Variants in GIGYF2 observed in about 807,000 individuals in gnomAD.
The protein encoded by GIGYF2 is GRB10-interacting GYF protein 2.
In GIGYF2, 25 loss-of-function variants were observed where a neutral mutation model predicts 208.1. The ratio of observed to expected loss-of-function variants is 0.12; its 90% CI spans 0.09 to 0.17. GIGYF2 has a LOEUF of 0.17. Ranked by LOEUF, GIGYF2 falls within the 10% of genes least tolerant of loss-of-function variation. GIGYF2 has a pLI of 1.00. For missense variants in GIGYF2, 1,302 were observed against 1,579.4 expected, an observed-to-expected ratio of 0.82 and a Z score of 2.98; for synonymous variants, 534 against 543.8, an observed-to-expected ratio of 0.98 and a Z score of 0.25.
intron 2 of GIGYF2, among the ~76,000 whole-genome samples, chr2:232,720,609 G>T (rs11690474): frequency 0.33 from 49,255 of 147,568 alleles, 8,673 homozygotes; most frequent in South Asian, 0.62. Context: ...TTGTTTGTTT[G>T]TTTGAGACGG....
chr2:232,834,355 G>A (rs1250714967), intron 22 of GIGYF2, among the ~76,000 whole-genome samples: 3 of 152,140 alleles, frequency 2.0e-5, no homozygotes, highest in African/African-American at 7.2e-5. Flanking sequence ...TATTGAATCA[G>A]AACCTCTAAG....
intron 20 of GIGYF2, among the ~76,000 whole-genome samples, chr2:232,817,716 AAAGG>A (rs767893471): frequency 1.3e-5 from 2 of 152,208 alleles, no homozygotes; most frequent in African/African-American, 2.4e-5. Flanking sequence ...CCTTTCTTAA[AAAGG>A]TTGAATAATA....
chr2:232,768,569 T>C (rs751713849), intron 8 of GIGYF2: 7 of 1,614,194 alleles, frequency 4.3e-6, no homozygotes, highest in Non-Finnish European at 8.5e-7. Context: ...AGATGAAGAA[T>C]GGACATTCGT....
Position 232,850,419 on chromosome 2 carries a change from G to T in GIGYF2, c.3832+10G>T. On this transcript the variant is annotated intron_variant, in intron 28 of 28. Transcript: ENST00000373563. The stretch of plus-strand genomic sequence containing the variant: ...GATCCCAGTTTATTAGGTGAGCACG[G>T]TCCTAGTCTCAGCTGAGTGTTGGAG... 8 of 1,613,384 alleles carry T rather than the reference G, an allele frequency of 5.0e-6. No homozygotes were observed. The highest frequency in any genetic ancestry group is 6.8e-6 in the Non-Finnish European group (8 of 1,179,298).
At position 232,763,100 on chromosome 2, in the gene GIGYF2, A is replaced by G. The variant is rs528482609; in HGVS notation, c.532+1664A>G. On this transcript the variant is annotated intron_variant, in intron 8 of 28. Coordinates refer to ENST00000373563, the MANE Select transcript of GIGYF2 (RefSeq NM_001103146.3). ...ATAGTTTATTGTTAGCTTTAGCCAT[A>G]TTGTAGACTGTTGGATTAACATAAT... 1.6e-4 allele frequency among the ~76,000 whole-genome samples: 24 copies of G among 152,274 alleles called. No homozygotes were observed. In the South Asian group the frequency reaches 3.7e-3, roughly 24 times the overall value.
At chr2:232,842,396 A>C (rs1701848224) in intron 23 of GIGYF2, among the ~76,000 whole-genome samples, 1 of 152,202 alleles carries the variant, frequency 6.6e-6, no homozygotes, top group African/African-American at 2.4e-5. Context: ...AACATCTGTG[A>C]GTCCTTATTT....
intron 6 of GIGYF2, among the ~76,000 whole-genome samples, chr2:232,758,463 G>A (rs577375355): frequency 6.6e-6 from 1 of 152,148 alleles, no homozygotes. Flanking sequence ...AAAGAATAGG[G>A]TGAATTCTTA....
chr2:232,833,499 G>GT (rs1183785877), intron 22 of GIGYF2, among the ~76,000 whole-genome samples: 2 of 152,178 alleles, frequency 1.3e-5, no homozygotes, highest in African/African-American at 2.4e-5. Context: ...TAGTACTTTG[G>GT]TTTTTTGATC....
rs545153526 is a variant in GIGYF2, at chr2:232,745,060, TC to T, written c.42-2554del. ...AGTAAAGAGCCCAACTTTACAGGAA[TC>T]TAATAAAAAGCAGTTTCTTGGAAGG... On this transcript the variant is annotated intron_variant, in intron 3 of 28. Coordinates refer to ENST00000373563, the MANE Select transcript of GIGYF2 (RefSeq NM_001103146.3). Among the ~76,000 whole-genome samples, 294 of 152,276 alleles carry T rather than the reference TC, an allele frequency of 1.9e-3. 2 individuals are homozygous for T. Among genetic ancestry groups the T allele is most frequent in the Middle Eastern group, 0.01 (3 of 294 alleles).
intron 14 of GIGYF2, among the ~76,000 whole-genome samples, chr2:232,805,617 G>T (rs1700538335): frequency 6.6e-6 from 1 of 152,048 alleles, no homozygotes; most frequent in Non-Finnish European, 1.5e-5. Flanking sequence ...CATGTGTTCT[G>T]GTTGCTGGCT....
intron 22 of GIGYF2, among the ~76,000 whole-genome samples, chr2:232,835,035 T>G (rs1701540486): frequency 6.6e-6 from 1 of 152,204 alleles, no homozygotes; most frequent in South Asian, 2.1e-4. Context: ...TGTCCATTAT[T>G]CCACTTTGTG....
At chr2:232,814,980 T>G (rs1289589186) in intron 18 of GIGYF2, among the ~76,000 whole-genome samples, 1 of 152,198 alleles carries the variant, frequency 6.6e-6, no homozygotes, top group African/African-American at 2.4e-5. Context: ...GAAACCATTA[T>G]CTGTTTGTTT....
At chr2:232,706,377 C>T (rs1696110247) in intron 2 of GIGYF2, among the ~76,000 whole-genome samples, 1 of 152,196 alleles carries the variant, frequency 6.6e-6, no homozygotes, top group African/African-American at 2.4e-5. Flanking sequence ...CACAGCGTGG[C>T]TTACATCCGT....
intron 3 of GIGYF2, chr2:232,736,448 G>T (rs774811232): frequency 1.3e-4 from 20 of 153,704 alleles, no homozygotes; most frequent in Middle Eastern, 3.4e-3. Context: ...TTACAAAAAT[G>T]GGATCATACT....
At chr2:232,838,201 A>G (rs1055136248) in intron 22 of GIGYF2, among the ~76,000 whole-genome samples, 1 of 152,162 alleles carries the variant, frequency 6.6e-6, no homozygotes, top group East Asian at 1.9e-4. Flanking sequence ...CCTATGAAAT[A>G]TAGAGTATAT....
intron 2 of GIGYF2, among the ~76,000 whole-genome samples, chr2:232,720,286 A>G (rs1220476955): frequency 1.3e-5 from 2 of 152,096 alleles, no homozygotes; most frequent in Admixed American, 1.3e-4. Context: ...ATCCTTTTTT[A>G]TGGCTGCATA....
At chr2:232,793,852 T>C (rs1033758218) in intron 12 of GIGYF2, among the ~76,000 whole-genome samples, 4 of 152,136 alleles carry the variant, frequency 2.6e-5, no homozygotes, top group Non-Finnish European at 5.9e-5. Flanking sequence ...GTTGATAATG[T>C]CAGATGCTAC....
In GIGYF2 at chr2:232,850,338, A is replaced by G. The variant is rs966568402; in HGVS notation, c.3761A>G (p.Asn1254Ser). 6 of 1,613,866 alleles carry G rather than the reference A, an allele frequency of 3.7e-6. No homozygotes were observed. The highest frequency in any genetic ancestry group is 2.7e-5 in the African/African-American group (2 of 74,892). Residue 1254 changes from asparagine (N) to serine (S), a missense_variant, in exon 28 of 29, where the codon AAT (asparagine) becomes AGT (serine). By Grantham distance (46) the Asn-to-Ser change is conservative. Coordinates refer to ENST00000373563, the MANE Select transcript of GIGYF2 (RefSeq NM_001103146.3). ...QTNQSNNQQS[N>S]FEAVQSGKKK... ...AATCAAAGCAACAACCAACAATCCA[A>G]TTTTGAGGCTGTGCAGAGTGGCAAG...
At chr2:232,784,546 G>A (rs375246786) in intron 8 of GIGYF2, among the ~76,000 whole-genome samples, 230 of 151,260 alleles carry the variant, frequency 1.5e-3, no homozygotes, top group African/African-American at 3.8e-3. Context: ...GCCCGCCACC[G>A]CGCCCGGCTA....
Sources: gnomAD v4.1 joint callset for allele counts (sites outside exome capture counted in the v4.1 genomes callset) on GRCh38, gnomAD v4.1.1 for gene constraint, MANE v1.5 for transcripts, NCBI Gene and HGNC (gene_info 2026-07-23, HGNC 2026-07-21) for gene names.